LARGE1: variants seen among roughly 807,000 people sequenced by gnomAD.
The protein encoded by LARGE1 is xylosyl- and glucuronyltransferase LARGE1.
A neutral mutation model predicts 87.6 loss-of-function variants in LARGE1; 43 were observed. The ratio of observed to expected loss-of-function variants is 0.49; its 90% CI spans 0.38 to 0.63. The LOEUF (loss-of-function observed/expected upper bound fraction) is 0.63, where lower values mean the gene tolerates loss of function less well. LARGE1 is among the 30% of genes least tolerant of loss of function. The pLI is 0.00. For synonymous variants in LARGE1, 434 were observed against 394.6 expected, an observed-to-expected ratio of 1.10 and a Z score of -1.18; for missense variants, 802 against 1,000.2, an observed-to-expected ratio of 0.80 and a Z score of 2.67.
At chr22:33,738,288 G>C (rs966584166) in intron 2 of LARGE1, among the ~76,000 whole-genome samples, 4 of 152,154 alleles carry the variant, frequency 2.6e-5, no homozygotes, top group Non-Finnish European at 5.9e-5. Flanking sequence ...AGAGTAGAGG[G>C]AGTTAAATAG....
At chr22:33,819,608 A>G (rs2086760148) in intron 1 of LARGE1, among the ~76,000 whole-genome samples, 1 of 152,022 alleles carries the variant, frequency 6.6e-6, no homozygotes, top group Admixed American at 6.6e-5. Flanking sequence ...CTTGACTTCA[A>G]ATAATTAAGT....
chr22:33,703,905 G>A (rs1292339753), intron 2 of LARGE1, among the ~76,000 whole-genome samples: 6 of 152,178 alleles, frequency 3.9e-5, no homozygotes, highest in African/African-American at 1.4e-4. Context: ...ATGTGTTAAG[G>A]TGTGTCTTCC....
intron 6 of LARGE1, among the ~76,000 whole-genome samples, chr22:33,539,130 T>C (rs1022473308): frequency 3.3e-5 from 5 of 152,184 alleles, no homozygotes; most frequent in East Asian, 3.8e-4. Flanking sequence ...CATACACACA[T>C]ATGTCTTTTG....
chr22:33,218,522 T>C (rs1246570562), intron 11 of LARGE1, among the ~76,000 whole-genome samples: 1 of 152,150 alleles, frequency 6.6e-6, no homozygotes, highest in East Asian at 1.9e-4. Context: ...CCCATAACAC[T>C]CTAGCTTCTC....
At chr22:33,392,375 G>C (rs1319408201) in intron 7 of LARGE1, among the ~76,000 whole-genome samples, 6 of 151,954 alleles carry the variant, frequency 3.9e-5, no homozygotes, top group African/African-American at 9.7e-5. Context: ...AAAGAAAATG[G>C]GGGCCAGGTG....
the LARGE1 span, among the ~76,000 whole-genome samples, chr22:33,101,203 C>T: frequency 2.0e-5 from 3 of 152,200 alleles, no homozygotes; most frequent in Admixed American, 2.0e-4. Context: ...GGTAGAATGC[C>T]TGCAGGGTAT....
chr22:33,600,014 G>A (rs931369455), intron 5 of LARGE1, among the ~76,000 whole-genome samples: 2 of 152,102 alleles, frequency 1.3e-5, no homozygotes, highest in South Asian at 2.1e-4. Flanking sequence ...TTATCTATGC[G>A]ACTTCAGGGT....
chr22:33,685,685 T>A (rs1053439189), intron 2 of LARGE1, among the ~76,000 whole-genome samples: 8 of 152,172 alleles, frequency 5.3e-5, no homozygotes, highest in African/African-American at 1.9e-4. Context: ...CAGAACTGGG[T>A]TCTAATTCTA....
chr22:33,206,382 G>A (rs562300416), intron 11 of LARGE1, among the ~76,000 whole-genome samples: 9 of 152,236 alleles, frequency 5.9e-5, no homozygotes, highest in African/African-American at 1.4e-4. Flanking sequence ...GTGAGCCACC[G>A]TGACTGACCA....
rs953523049 is a variant in LARGE1 at position 33,536,343 on chromosome 22, A to T, written c.787+28505T>A. ...GGTCACATTGGCCTCCCTTCCTGTA[A>T]TCTCTCTCTACAAATGGCCTTCTGT... is the stretch of plus-strand genomic sequence containing the variant. On this transcript the variant is annotated intron_variant, in intron 6 of 14. Transcript: ENST00000397394. Among the ~76,000 whole-genome samples, 149 of 152,272 alleles carry T rather than the reference A, an allele frequency of 9.8e-4. 1 individual carries two copies. Among genetic ancestry groups the T allele is most frequent in the African/African-American group, 3.6e-3 (148 of 41,548 alleles).
At chr22:33,841,597 T>C (rs1484344330) in intron 1 of LARGE1, among the ~76,000 whole-genome samples, 1 of 152,172 alleles carries the variant, frequency 6.6e-6, no homozygotes. Context: ...AAAAGCCTCA[T>C]CACATCTTGT....
chr22:33,883,761 C>G (rs1490338669), intron 1 of LARGE1, among the ~76,000 whole-genome samples: 2 of 152,252 alleles, frequency 1.3e-5, no homozygotes, highest in African/African-American at 4.8e-5. Context: ...TCACCACCTT[C>G]AGGCATCTCC....
chr22:33,885,952 C>A (rs2413207), intron 1 of LARGE1, among the ~76,000 whole-genome samples: 58,653 of 151,856 alleles, frequency 0.39, 13,479 homozygotes, highest in East Asian at 0.85. Context: ...ATTGCTTGAA[C>A]CTGGGAGGCA....
intron 6 of LARGE1, among the ~76,000 whole-genome samples, chr22:33,442,103 A>G (rs1190048336): frequency 6.6e-6 from 1 of 152,198 alleles, no homozygotes; most frequent in Non-Finnish European, 1.5e-5. Flanking sequence ...AGTGAAGATG[A>G]GAGGAAGAAA....
intron 11 of LARGE1, among the ~76,000 whole-genome samples, chr22:33,240,719 G>A (rs1358592024): frequency 1.3e-5 from 2 of 152,114 alleles, no homozygotes; most frequent in African/African-American, 2.4e-5. Flanking sequence ...CACTGAACTC[G>A]TGGATCAATT....
At chr22:33,557,867 C>A (rs1602422026) in intron 6 of LARGE1, among the ~76,000 whole-genome samples, 1 of 152,054 alleles carries the variant, frequency 6.6e-6, no homozygotes, top group Non-Finnish European at 1.5e-5. Flanking sequence ...AAGCCCGGCC[C>A]AGGAGAACTT....
intron 2 of LARGE1, among the ~76,000 whole-genome samples, chr22:33,741,150 G>A (rs766866790): frequency 1.3e-5 from 2 of 152,252 alleles, no homozygotes; most frequent in African/African-American, 2.4e-5. Flanking sequence ...AGCACTCTGA[G>A]CACGAAGGCC....
chr22:33,533,849 T>G (rs1211603520), intron 6 of LARGE1, among the ~76,000 whole-genome samples: 1 of 152,136 alleles, frequency 6.6e-6, no homozygotes, highest in Non-Finnish European at 1.5e-5. Context: ...ATTTGATGGG[T>G]GAAATAGCTG....
intron 11 of LARGE1, among the ~76,000 whole-genome samples, chr22:33,231,661 A>T (rs933671361): frequency 6.6e-6 from 1 of 152,218 alleles, no homozygotes; most frequent in African/African-American, 2.4e-5. Flanking sequence ...CTATAATTCT[A>T]CACTGACTCT....
Sources: gnomAD v4.1 joint callset for allele counts (sites outside exome capture counted in the v4.1 genomes callset) on GRCh38, gnomAD v4.1.1 for gene constraint, MANE v1.5 for transcripts, NCBI Gene and HGNC (gene_info 2026-07-23, HGNC 2026-07-21) for gene names.